RASSF5: variants seen among roughly 807,000 people sequenced by gnomAD.
The protein encoded by RASSF5 is ras association domain-containing protein 5.
RASSF5 carries 25 observed loss-of-function variants against 40.5 expected under a neutral mutation model. The observed-to-expected ratio is 0.62, with a 90% CI of 0.45 to 0.86. The LOEUF is 0.86. RASSF5 is among the 40% of genes least tolerant of loss of function. The probability of loss-of-function intolerance (pLI) is 0.00; values close to 1 mark genes in which losing one functional copy is unlikely to be tolerated. For missense variants in RASSF5, 521 were observed against 572.8 expected (o/e 0.91, Z 0.92); for synonymous variants, 246 against 252.4 (o/e 0.97, Z 0.24).
At chr1:206,514,836 T>C (rs1553395186) in intron 1 of RASSF5, among the ~76,000 whole-genome samples, 1 of 152,168 alleles carries the variant, frequency 6.6e-6, no homozygotes, top group Admixed American at 6.5e-5. Context: ...TATATTCACA[T>C]GGAATAGGAA....
intron 1 of RASSF5, among the ~76,000 whole-genome samples, chr1:206,509,913 T>C (rs1666572485): frequency 6.6e-6 from 1 of 152,188 alleles, no homozygotes; most frequent in Non-Finnish European, 1.5e-5. Flanking sequence ...TCTGACTTTG[T>C]GTGTGACTTG....
chr1:206,541,201 G>A (rs559010218), intron 2 of RASSF5, among the ~76,000 whole-genome samples: 1 of 152,292 alleles, frequency 6.6e-6, no homozygotes, highest in Admixed American at 6.5e-5. Flanking sequence ...GGCCCTCTCT[G>A]CTCTTTAAGG....
intron 1 of RASSF5, among the ~76,000 whole-genome samples, chr1:206,525,531 C>T (rs960958206): frequency 3.9e-5 from 6 of 152,328 alleles, no homozygotes; most frequent in African/African-American, 1.4e-4. Flanking sequence ...GCCTCACCCA[C>T]CTGAGTAGCT....
chr1:206,523,678 TA>T (rs1314593504), intron 1 of RASSF5, among the ~76,000 whole-genome samples: 1 of 97,158 alleles, frequency 1.0e-5, no homozygotes, highest in Non-Finnish European at 1.9e-5. Flanking sequence ...ATATATTATA[TA>T]TAAATATATT....
intron 1 of RASSF5, among the ~76,000 whole-genome samples, chr1:206,512,367 A>G (rs959983668): frequency 3.3e-5 from 5 of 152,284 alleles, no homozygotes; most frequent in Admixed American, 1.3e-4. Flanking sequence ...AAAGGATTAA[A>G]TGTGCGCTTA....
At chr1:206,556,267 G>A (rs1667983944) in intron 2 of RASSF5, among the ~76,000 whole-genome samples, 1 of 152,192 alleles carries the variant, frequency 6.6e-6, no homozygotes, top group Non-Finnish European at 1.5e-5. Flanking sequence ...CAGCACACGT[G>A]TTCTACCTGT....
intron 1 of RASSF5, among the ~76,000 whole-genome samples, chr1:206,522,568 C>T (rs1666936310): frequency 1.3e-5 from 2 of 152,192 alleles, no homozygotes; most frequent in African/African-American, 4.8e-5. Flanking sequence ...TACTTTTACA[C>T]TTTCTCCCAA....
intron 2 of RASSF5, among the ~76,000 whole-genome samples, chr1:206,568,859 G>C (rs1029157132): frequency 1.3e-5 from 2 of 152,258 alleles, no homozygotes; most frequent in African/African-American, 4.8e-5. Flanking sequence ...GCAAGGATGT[G>C]ATTTGGAGGT....
At chr1:206,523,775 A>G (rs1666998680) in intron 1 of RASSF5, among the ~76,000 whole-genome samples, 1 of 102,268 alleles carries the variant, frequency 9.8e-6, no homozygotes, top group Admixed American at 1.6e-4. Context: ...TATTTTATAT[A>G]TTATATATAA....
intron 1 of RASSF5, among the ~76,000 whole-genome samples, chr1:206,537,149 T>C (rs1667438063): frequency 6.6e-6 from 1 of 152,242 alleles, no homozygotes; most frequent in South Asian, 2.1e-4. Flanking sequence ...GCCTTGGTGC[T>C]GCCACCAATG....
chr1:206,588,923 G>A lies in RASSF5; in HGVS notation c.*1945G>A, dbSNP rs1320728202. Reference sequence around the variant, plus strand: ...AATGCTGCTGAGAACCTCCCTCTATGGGGATGGCTATTTTATTTTTGAGAA... The same window carrying A: ...AATGCTGCTGAGAACCTCCCTCTATAGGGATGGCTATTTTATTTTTGAGAA... On this transcript the variant is annotated 3_prime_UTR_variant, in exon 6 of 6. Transcript: ENST00000579436. The A allele has an allele frequency of 6.6e-6, 1 of 152,614 alleles. No homozygotes were observed. The highest frequency in any genetic ancestry group is 2.4e-5 in the African/African-American group (1 of 41,374). 9.5% of individuals were successfully genotyped at this position (152,614 alleles called of 1,614,324 possible).
intron 2 of RASSF5, chr1:206,557,256 G>A (rs572795110): frequency 2.7e-6 from 3 of 1,131,440 alleles, no homozygotes; most frequent in Non-Finnish European, 2.2e-6. Flanking sequence ...GGGCGCTGGC[G>A]CCGGGGACAC....
intron 1 of RASSF5, among the ~76,000 whole-genome samples, chr1:206,519,130 G>A (rs1378590206): frequency 6.6e-6 from 1 of 152,170 alleles, no homozygotes; most frequent in African/African-American, 2.4e-5. Context: ...GGCAAGAACA[G>A]TCCTCGCCTG....
At chr1:206,548,903 T>C (rs1180941677) in intron 2 of RASSF5, among the ~76,000 whole-genome samples, 1 of 152,214 alleles carries the variant, frequency 6.6e-6, no homozygotes, top group Non-Finnish European at 1.5e-5. Flanking sequence ...TCTCGCTCTG[T>C]TGCCCGGGCT....
chr1:206,558,147 A>T (rs1572339257), intron 2 of RASSF5, among the ~76,000 whole-genome samples: 1 of 152,260 alleles, frequency 6.6e-6, no homozygotes, highest in Admixed American at 6.5e-5. Context: ...TGAAGTGGCC[A>T]GAAACCACCT....
intron 3 of RASSF5, 43 bp downstream of exon 3, chr1:206,583,422 C>T: frequency 2.2e-6 from 3 of 1,382,402 alleles, no homozygotes; most frequent in Non-Finnish European, 3.1e-6. Context: ...GCTCCACCAC[C>T]CGCTTCGGGT....
At chr1:206,528,389 G>T (rs1210631302) in intron 1 of RASSF5, among the ~76,000 whole-genome samples, 3 of 152,150 alleles carry the variant, frequency 2.0e-5, no homozygotes, top group African/African-American at 7.2e-5. Flanking sequence ...AAGATCAGGG[G>T]TTGCCAGGGT....
chr1:206,531,714 T>C lies in RASSF5; in HGVS notation c.458-6458T>C, dbSNP rs1182796566. On this transcript the variant is annotated intron_variant, in intron 1 of 5. Transcript: ENST00000579436. This position sits in a 1 kb window ranked among gnomAD's most constrained non-coding sequence, Gnocchi z 4.7. ...GATGGTGACAGTCCCCACTGACTTATTCAAGAGGATCAGGACAAGCTTTAC... is the reference window on the plus strand; with the variant it reads ...GATGGTGACAGTCCCCACTGACTTACTCAAGAGGATCAGGACAAGCTTTAC... Among the ~76,000 whole-genome samples, 1 of 152,130 alleles carries C rather than the reference T, an allele frequency of 6.6e-6. No individual in the cohort carries two copies. Among genetic ancestry groups the C allele is most frequent in the Non-Finnish European group, 1.5e-5 (1 of 68,018 alleles).
intron 1 of RASSF5, chr1:206,518,321 C>T (rs989959990): frequency 4.8e-5 from 19 of 397,570 alleles, no homozygotes; most frequent in Non-Finnish European, 7.5e-5. Flanking sequence ...CCCCGGAGCC[C>T]TCCCCCACCC....
Sources: allele counts gnomAD v4.1 joint callset (sites outside exome capture counted in the v4.1 genomes callset), GRCh38; gene constraint gnomAD v4.1.1; non-coding constraint Gnocchi (gnomAD v3.1); transcripts MANE v1.5; gene names NCBI Gene and HGNC (gene_info 2026-07-23, HGNC 2026-07-21).